TRAK1: variants seen among roughly 807,000 people sequenced by gnomAD.
TRAK1 encodes trafficking kinesin protein 1.
In TRAK1, 33 loss-of-function variants were observed where a neutral mutation model predicts 92.1. The ratio of observed to expected loss-of-function variants is 0.36; its 90% CI spans 0.27 to 0.48. TRAK1 has a LOEUF of 0.48. Among genes scored for constraint, TRAK1 ranks in the 20% least tolerant of loss-of-function variants. The pLI is 0.99. For synonymous variants in TRAK1, 521 were observed against 517.3 expected (o/e 1.01, Z -0.10); for missense variants, 1,123 against 1,257.9 (o/e 0.89, Z 1.62).
At chr3:42,167,994 T>C (rs1702082602) in intron 2 of TRAK1, among the ~76,000 whole-genome samples, 1 of 152,210 alleles carries the variant, frequency 6.6e-6, no homozygotes, top group Admixed American at 6.5e-5. Context: ...AACAGGCAAG[T>C]GAGAGACTTG....
intron 1 of TRAK1, among the ~76,000 whole-genome samples, chr3:42,066,903 C>G (rs1703706153): frequency 6.6e-6 from 1 of 152,114 alleles, no homozygotes; most frequent in East Asian, 1.9e-4. Context: ...CCCTTTAGCC[C>G]CTCTGTGTCT....
chr3:42,050,974 G>T (rs79917813), intron 1 of TRAK1, among the ~76,000 whole-genome samples: 13,123 of 152,206 alleles, frequency 0.086, 620 homozygotes, highest in Non-Finnish European at 0.11. Context: ...TTTTGAAGGA[G>T]AATTTTTATT....
intron 2 of TRAK1, among the ~76,000 whole-genome samples, chr3:42,174,244 A>G (rs1183357294): frequency 2.0e-5 from 3 of 152,106 alleles, no homozygotes; most frequent in Admixed American, 6.5e-5. Context: ...CAATTTTTAA[A>G]ATATTTTAAA....
At chr3:42,064,139 T>C (rs911461888) in intron 1 of TRAK1, among the ~76,000 whole-genome samples, 1 of 152,138 alleles carries the variant, frequency 6.6e-6, no homozygotes, top group African/African-American at 2.4e-5. Flanking sequence ...GCCTTCTGTA[T>C]TGGGTGGTAA....
intron 1 of TRAK1, among the ~76,000 whole-genome samples, chr3:42,063,216 C>T (rs767211383): frequency 6.6e-6 from 1 of 152,250 alleles, no homozygotes; most frequent in African/African-American, 2.4e-5. Context: ...GGAATTGCAA[C>T]GGAGACTGTA....
chr3:42,210,121 C>G, intron 14 of TRAK1, 136 bp downstream of exon 14: 1 of 1,336,342 alleles, frequency 7.5e-7, no homozygotes, highest in Non-Finnish European at 1.0e-6. Context: ...GAGGAGGGGT[C>G]TGGTGAGGGC....
intron 1 of TRAK1, among the ~76,000 whole-genome samples, chr3:42,017,814 C>T (rs1701580603): frequency 6.6e-6 from 1 of 152,022 alleles, no homozygotes; most frequent in African/African-American, 2.4e-5. Context: ...CTCTTGAAAT[C>T]CTTGTTTGGA....
chr3:42,222,879 A>G, intron 15 of TRAK1, 63 bp from the exon 16 acceptor site: 2 of 1,557,534 alleles, frequency 1.3e-6, no homozygotes, highest in South Asian at 2.4e-5. Flanking sequence ...GAAACTGGCC[A>G]CTGACCCTTT....
At chr3:42,061,913 A>C (rs143246657) in intron 1 of TRAK1, among the ~76,000 whole-genome samples, 1 of 152,270 alleles carries the variant, frequency 6.6e-6, no homozygotes, top group East Asian at 1.9e-4. Context: ...ATTGGCACTC[A>C]CTCTGGGGCT....
At chr3:42,069,324 A>AAAAAAG (rs1431744318) in intron 1 of TRAK1, among the ~76,000 whole-genome samples, 4 of 150,608 alleles carry the variant, frequency 2.7e-5, no homozygotes, top group Non-Finnish European at 5.9e-5. Flanking sequence ...CTGTCTCAAA[A>AAAAAAG]AAAAAAAGAA....
chr3:42,095,718 G>A (rs1394621231), intron 1 of TRAK1, among the ~76,000 whole-genome samples: 1 of 151,188 alleles, frequency 6.6e-6, no homozygotes, highest in Non-Finnish European at 1.5e-5. Flanking sequence ...CTTTATCATC[G>A]TCATCATCAT....
At chr3:42,155,455 T>C (rs755980132) in intron 2 of TRAK1, among the ~76,000 whole-genome samples, 1 of 152,184 alleles carries the variant, frequency 6.6e-6, no homozygotes, top group Non-Finnish European at 1.5e-5. Context: ...GAGGCATATT[T>C]TGTTTGTAGG....
chr3:42,138,745 C>G (rs113540515), intron 2 of TRAK1, among the ~76,000 whole-genome samples: 11,412 of 143,454 alleles, frequency 0.08, 480 homozygotes, highest in Middle Eastern at 0.16. Flanking sequence ...AAAAAAAGTA[C>G]AGACACCACA....
In TRAK1 at chr3:42,217,224, C is replaced by T. The variant is rs1709821705; in HGVS notation, c.1964-2270C>T. ...ATCCCAGTCTTGGGTGACTCACTGT[C>T]TCTCTGTTGTGTCTCAAGGAAGGGA... On this transcript the variant is annotated intron_variant, in intron 14 of 15. Transcript: ENST00000327628. 4.1e-6 allele frequency: 4 copies of T among 984,566 alleles called. No homozygotes were observed. In the South Asian group the frequency reaches 1.9e-4, roughly 46 times the overall value. 61.0% of individuals were successfully genotyped at this position (984,566 alleles called of 1,614,324 possible).
chr3:42,217,081 G>A (rs1577061950), intron 14 of TRAK1, among the ~76,000 whole-genome samples: 1 of 143,484 alleles, frequency 7.0e-6, no homozygotes, highest in South Asian at 2.3e-4. Context: ...GATGTTTTAT[G>A]TTTCTCTCTC....
chr3:42,209,808 C>T lies in TRAK1; in HGVS notation c.1786C>T (p.His596Tyr). The T allele has an allele frequency of 6.2e-7, 1 of 1,614,218 alleles. No individual in the cohort carries two copies. Among genetic ancestry groups the T allele is most frequent in the Non-Finnish European group, 8.5e-7 (1 of 1,180,032 alleles). ...LHHWQQLAQPHLGGILDPRPG... is the reference protein window; with the variant it reads ...LHHWQQLAQPYLGGILDPRPG... ...CCACTGGCAGCAGTTGGCCCAACCTCACCTTGGGGGCATCCTGGACCCCCG... is the reference window on the plus strand; with the variant it reads ...CCACTGGCAGCAGTTGGCCCAACCTTACCTTGGGGGCATCCTGGACCCCCG... The change falls in exon 14 of 16, where the codon CAC (histidine) becomes TAC (tyrosine). Residue 596 changes from histidine to tyrosine, a missense_variant. His to Tyr is a moderately conservative substitution (Grantham distance 83). This residue lies in a region of TRAK1 where 36 missense variants were observed against 71.3 expected (regional missense o/e 0.50). Coordinates refer to ENST00000327628, the MANE Select transcript of TRAK1 (RefSeq NM_001042646.3).
intron 1 of TRAK1, among the ~76,000 whole-genome samples, chr3:42,028,601 A>G (rs1309096522): frequency 6.6e-6 from 1 of 152,228 alleles, no homozygotes; most frequent in Non-Finnish European, 1.5e-5. Flanking sequence ...ATGGGAACAT[A>G]TGGAGGAAAA....
intron 1 of TRAK1, among the ~76,000 whole-genome samples, chr3:42,053,735 C>T (rs542088277): frequency 1.3e-5 from 2 of 151,976 alleles, no homozygotes; most frequent in Non-Finnish European, 2.9e-5. Context: ...AAGGAGTATC[C>T]CAAGTCCATC....
Position 42,193,178 on chromosome 3 carries a change from A to T in TRAK1, c.873A>T (p.Ile291=). The T allele has an allele frequency of 6.2e-7, 1 of 1,614,194 alleles. No homozygotes were observed. The change falls in exon 8 of 16, where the codon ATA becomes ATT. Residue 291 remains isoleucine, a synonymous_variant. Coordinates refer to ENST00000327628, the MANE Select transcript of TRAK1 (RefSeq NM_001042646.3). The part of the protein sequence containing the change: ...QEEITHLLSQ[I]VDLQKKAKAC... ...AGATCACACACCTGCTATCGCAAAT[A>T]GTTGATTTGCAGAAAAAGGCAAAAG... is the stretch of plus-strand genomic sequence containing the variant.
Sources: allele counts gnomAD v4.1 joint callset (sites outside exome capture counted in the v4.1 genomes callset), GRCh38; gene constraint gnomAD v4.1.1; regional missense constraint gnomAD v4.1.1; transcripts MANE v1.5; gene names NCBI Gene and HGNC (gene_info 2026-07-23, HGNC 2026-07-21).